The following NRG3 variants were observed in gnomAD, a reference collection of about 807,000 sequenced individuals.
NRG3 encodes pro-neuregulin-3, membrane-bound isoform.
A neutral mutation model predicts 66.9 loss-of-function variants in NRG3; 31 were observed. The observed-to-expected ratio is 0.46, with a 90% confidence interval of 0.35 to 0.63. The LOEUF (loss-of-function observed/expected upper bound fraction) is 0.63. NRG3 is among the 20% of genes least tolerant of loss of function. The pLI is 0.00. For synonymous variants in NRG3, 393 were observed against 359.4 expected, an observed-to-expected ratio of 1.09 and a Z score of -1.06; for missense variants, 910 against 878.9, an observed-to-expected ratio of 1.04 and a Z score of -0.45.
intron 1 of NRG3, among the ~76,000 whole-genome samples, chr10:82,283,165 T>G (rs2079219401): frequency 6.6e-6 from 1 of 151,712 alleles, no homozygotes; most frequent in East Asian, 1.9e-4. Context: ...AGGAAGAAAG[T>G]GAGATCCCAG....
At chr10:82,663,768 G>A (rs2052552299) in intron 2 of NRG3, among the ~76,000 whole-genome samples, 1 of 152,228 alleles carries the variant, frequency 6.6e-6, no homozygotes, top group Admixed American at 6.5e-5. Context: ...GAAGATACTT[G>A]AGGTTACAGC....
intron 1 of NRG3, among the ~76,000 whole-genome samples, chr10:82,056,091 A>C (rs779951161): frequency 6.6e-6 from 1 of 152,136 alleles, no homozygotes; most frequent in Non-Finnish European, 1.5e-5. Context: ...GCCTTTTAAA[A>C]AATTTTGTCC....
chr10:82,776,756 G>A (rs537584898), intron 3 of NRG3, among the ~76,000 whole-genome samples: 31 of 151,500 alleles, frequency 2.0e-4, no homozygotes, highest in East Asian at 5.8e-4. Flanking sequence ...TTCAACTCGC[G>A]TATTTCTGTT....
chr10:82,162,165 A>G (rs901554119), intron 1 of NRG3, among the ~76,000 whole-genome samples: 62 of 152,136 alleles, frequency 4.1e-4, no homozygotes, highest in African/African-American at 1.4e-3. Context: ...AACTTCTGCA[A>G]TTATCTGTCG....
At chr10:82,769,294 T>C (rs1008667696) in intron 3 of NRG3, among the ~76,000 whole-genome samples, 3 of 152,108 alleles carry the variant, frequency 2.0e-5, no homozygotes, top group Admixed American at 2.0e-4. Context: ...AAGGCTGAGT[T>C]GTACTTACAT....
At chr10:82,541,486 G>A (rs1181550046) in intron 2 of NRG3, among the ~76,000 whole-genome samples, 3 of 152,088 alleles carry the variant, frequency 2.0e-5, no homozygotes, top group African/African-American at 7.2e-5. Context: ...TGAGAGGGTC[G>A]TGATCGATTG....
intron 1 of NRG3, among the ~76,000 whole-genome samples, chr10:82,345,682 C>A (rs1408234786): frequency 6.6e-6 from 1 of 151,782 alleles, no homozygotes; most frequent in African/African-American, 2.4e-5. Context: ...GATATTGATT[C>A]TTCCTACCCA....
At chr10:82,948,795 A>T (rs925762795) in intron 4 of NRG3, among the ~76,000 whole-genome samples, 4 of 152,140 alleles carry the variant, frequency 2.6e-5, no homozygotes, top group Non-Finnish European at 4.4e-5. Context: ...CTTGATAATT[A>T]TACTAGGTCT....
At chr10:82,944,662 C>T (rs977020647) in intron 4 of NRG3, among the ~76,000 whole-genome samples, 2 of 152,132 alleles carry the variant, frequency 1.3e-5, no homozygotes, top group African/African-American at 2.4e-5. Context: ...TTGCCCCTCT[C>T]GACTTACTAA....
At chr10:82,185,747 C>T (rs1026666475) in intron 1 of NRG3, among the ~76,000 whole-genome samples, 1 of 152,174 alleles carries the variant, frequency 6.6e-6, no homozygotes, top group Non-Finnish European at 1.5e-5. Context: ...TTACTGTTGA[C>T]TCAAGAGTCT....
intron 1 of NRG3, among the ~76,000 whole-genome samples, chr10:81,921,551 T>C (rs1418272049): frequency 1.2e-4 from 19 of 152,154 alleles, no homozygotes; most frequent in Non-Finnish European, 8.8e-5. Flanking sequence ...TATCTATCTG[T>C]CTACATTTAT....
At chr10:82,983,213 G>T (rs560206999) in intron 8 of NRG3, among the ~76,000 whole-genome samples, 1 of 152,270 alleles carries the variant, frequency 6.6e-6, no homozygotes, top group Non-Finnish European at 1.5e-5. Context: ...AACCTGACAG[G>T]CAGACTTTCT....
chr10:82,087,939 C>G (rs2065819787), intron 1 of NRG3, among the ~76,000 whole-genome samples: 1 of 151,938 alleles, frequency 6.6e-6, no homozygotes, highest in African/African-American at 2.4e-5. Context: ...CTTGAGGTAT[C>G]TGAGAAAAAG....
At chr10:81,923,312 T>A (rs1846436388) in intron 1 of NRG3, among the ~76,000 whole-genome samples, 2 of 151,940 alleles carry the variant, frequency 1.3e-5, no homozygotes, top group South Asian at 4.2e-4. Context: ...TTCACGCCAT[T>A]CTCCTGCCTC....
At chr10:82,246,801 C>T (rs2077267735) in intron 1 of NRG3, among the ~76,000 whole-genome samples, 1 of 152,042 alleles carries the variant, frequency 6.6e-6, no homozygotes, top group African/African-American at 2.4e-5. Flanking sequence ...TTCAGAGTCA[C>T]TGGGTCTGAG....
chr10:82,253,036 T>A lies in NRG3; in HGVS notation c.824-105703T>A, dbSNP rs568891461. ...ACCCCGATCTCTCATTCCCTTTGCCTCCTCATCTCCAACCACCTTCTTCGC... is the reference window on the plus strand; with the variant it reads ...ACCCCGATCTCTCATTCCCTTTGCCACCTCATCTCCAACCACCTTCTTCGC... On this transcript the variant is annotated intron_variant, in intron 1 of 8. Coordinates refer to ENST00000372141, the MANE Select transcript of NRG3 (RefSeq NM_001010848.4). Among the ~76,000 whole-genome samples the A allele has an allele frequency of 6.6e-5, 10 of 152,252 alleles. No individual in the cohort carries two copies. In the South Asian group the frequency reaches 2.1e-3, roughly 32 times the overall value.
chr10:82,835,611 A>G (rs970160968), intron 3 of NRG3, among the ~76,000 whole-genome samples: 1 of 152,188 alleles, frequency 6.6e-6, no homozygotes, highest in African/African-American at 2.4e-5. Flanking sequence ...TACAAAGCCA[A>G]TGGTTGGCAG....
At chr10:82,498,683 T>G (rs1305928173) in intron 2 of NRG3, among the ~76,000 whole-genome samples, 1 of 151,934 alleles carries the variant, frequency 6.6e-6, no homozygotes, top group Non-Finnish European at 1.5e-5. Flanking sequence ...GAAGAGAGAG[T>G]CACTCCCAAC....
intron 1 of NRG3, among the ~76,000 whole-genome samples, chr10:82,040,725 G>C (rs1336977386): frequency 6.6e-6 from 1 of 151,944 alleles, no homozygotes; most frequent in Non-Finnish European, 1.5e-5. Context: ...TCCATACTTA[G>C]CTGGTCCCAA....
Sources: gnomAD v4.1 joint callset for allele counts (sites outside exome capture counted in the v4.1 genomes callset) on GRCh38, gnomAD v4.1.1 for gene constraint, MANE v1.5 for transcripts, NCBI Gene and HGNC (gene_info 2026-07-23, HGNC 2026-07-21) for gene names.